Variants in DHX38 observed in about 807,000 individuals in gnomAD.
DHX38 encodes pre-mRNA-splicing factor ATP-dependent RNA helicase PRP16.
Under a neutral mutation model 153.1 loss-of-function variants are expected in DHX38, and 100 were observed. The observed-to-expected ratio is 0.65, with a 90% CI of 0.56 to 0.77. The LOEUF (loss-of-function observed/expected upper bound fraction) is 0.77, where lower values mean the gene tolerates loss of function less well. Among genes scored for constraint, DHX38 ranks in the 30% least tolerant of loss-of-function variants. The pLI is 0.00. For missense variants in DHX38, 1,440 were observed against 1,654.0 expected (o/e 0.87, Z 2.24); for synonymous variants, 650 against 631.7 (o/e 1.03, Z -0.43).
At chr16:72,099,369 GTACAC>G in intron 7 of DHX38, 89 bp downstream of exon 7, 1 of 1,220,450 alleles carries the variant, frequency 8.2e-7, no homozygotes, top group Non-Finnish European at 1.1e-6. Flanking sequence ...TTTGATGAGG[GTACAC>G]CTGAGCCCTG....
In DHX38 at chr16:72,104,293, C is replaced by T; in HGVS notation, c.2010+162C>T. On this transcript the variant is annotated intron_variant, in intron 14 of 26. Transcript: ENST00000268482. The surrounding 1 kb of genome is among the most constrained non-coding windows in gnomAD (Gnocchi z 4.5). ...GACTCGGGTTGTAGTTCATGCTGTT[C>T]TTGCTCTGCTGAGGGTGGCTTGGGG... 8.5e-7 allele frequency: 1 copy of T among 1,181,706 alleles called. No individual in the cohort carries two copies. The highest frequency in any genetic ancestry group is 2.6e-5 in the East Asian group (1 of 39,016). 73.2% of individuals were successfully genotyped at this position (1,181,706 alleles called of 1,614,324 possible). A position where few individuals can be genotyped will look rare whatever the true frequency, so the allele number is the denominator to read the frequency against.
Position 72,103,945 on chromosome 16 carries a change from G to C in DHX38, c.1825-1G>C. ...ATCTGAGCCATCTCTCTGACCTCCA[G>C]GTGGGCTATGCCATCCGCTTTGAAG... On this transcript the variant is annotated splice_acceptor_variant, in intron 13 of 26. Transcript: ENST00000268482. LOFTEE classifies it high-confidence loss of function. The C allele has an allele frequency of 6.2e-7, 1 of 1,613,640 alleles. No homozygotes were observed. The highest frequency in any genetic ancestry group is 8.5e-7 in the Non-Finnish European group (1 of 1,179,524).
At position 72,098,765 on chromosome 16, in the gene DHX38, A is replaced by G. The variant is rs1365626981; in HGVS notation, c.737A>G (p.His246Arg). The change falls in exon 5 of 27, where the codon CAT becomes CGT. Residue 246 changes from histidine (H) to arginine (R), a missense_variant. Transcript: ENST00000268482. ...TCCTATCGGGATTCTGAGCGGAGCC[A>G]TCGGCTGTCCACTCGAGATCGAGAC... ...TPSYRDSERS[H>R]RLSTRDRDRS... 1.9e-6 allele frequency: 3 copies of G among 1,614,192 alleles called. No homozygotes were observed. The highest frequency in any genetic ancestry group is 2.2e-5 in the South Asian group (2 of 91,070).
chr16:72,096,770 C>T (rs1385428892), intron 2 of DHX38, 52 bp from the exon 3 acceptor site: 1 of 1,556,642 alleles, frequency 6.4e-7, no homozygotes, highest in Non-Finnish European at 8.7e-7. Flanking sequence ...GGTTTTAGGG[C>T]AGAGTTTTTC....
chr16:72,106,766 G>A (rs1031585686), intron 19 of DHX38, among the ~76,000 whole-genome samples: 1 of 151,926 alleles, frequency 6.6e-6, no homozygotes, highest in Admixed American at 6.5e-5. Flanking sequence ...CCCCTTTTTT[G>A]TTCCAATTAA....
chr16:72,098,291 G>T (rs1001084950), intron 4 of DHX38, among the ~76,000 whole-genome samples: 3 of 152,106 alleles, frequency 2.0e-5, no homozygotes, highest in African/African-American at 7.2e-5. Flanking sequence ...AAATTAGCCT[G>T]GGGTGGTGGT....
Position 72,099,217 on chromosome 16 carries a change from G to A in DHX38, c.897G>A (p.Glu299=). ...RLSRGRGRRE[E]GEEGISFDTE... is the part of the protein sequence containing the mutation. ...GTGCTCCTCCAGGAAGACGTGAGGA[G>A]GGCGAAGAAGGAATTTCATTTGACA... The change falls in exon 7 of 27, where the codon GAG becomes GAA. Residue 299 remains glutamate (E), a synonymous_variant. Coordinates refer to ENST00000268482, the MANE Select transcript of DHX38 (RefSeq NM_014003.4). 6.2e-7 allele frequency: 1 copy of A among 1,611,892 alleles called. No individual in the cohort carries two copies. Among genetic ancestry groups the A allele is most frequent in the Non-Finnish European group, 8.5e-7 (1 of 1,179,292 alleles).
chr16:72,105,648 G>A lies in DHX38; in HGVS notation c.2487+24G>A, dbSNP rs372584102. The A allele has an allele frequency of 1.2e-4, 199 of 1,611,316 alleles. 2 individuals carry two copies. The highest frequency in any genetic ancestry group is 1.6e-4 in the Middle Eastern group (1 of 6,080). ...AGGTAAGAGAAGACATGGGAGGCAA[G>A]GCCTGGGTGTTCACCAGAAGCTAAC... On this transcript the variant is annotated intron_variant, in intron 18 of 26. Transcript: ENST00000268482.
Position 72,099,043 on chromosome 16 carries a change from G to A in DHX38, c.881G>A (p.Arg294Gln), listed in dbSNP as rs370793135. ...TCCACCCCGCGTCTGTCCAGGGGCC[G>A]AGGTGAGGCCTGTGGGGCAGCAGGC... Reference protein sequence around the residue: ...LGSTPRLSRGRGRREEGEEGI... With the variant: ...LGSTPRLSRGQGRREEGEEGI... The change falls in exon 6 of 27, where the codon CGA becomes CAA. Residue 294 changes from arginine (R) to glutamine (Q), a missense_variant and splice_region_variant. Arg to Gln is a conservative substitution (Grantham distance 43, BLOSUM62 1). Transcript: ENST00000268482. The A allele has an allele frequency of 1.1e-4, 182 of 1,612,390 alleles. No homozygotes were observed. The highest frequency in any genetic ancestry group is 2.1e-4 in the Middle Eastern group (1 of 4,716).
Position 72,096,194 on chromosome 16 carries a change from T to C in DHX38, c.37T>C (p.Leu13=), listed in dbSNP as rs1044225982. 6.2e-7 allele frequency: 1 copy of C among 1,609,328 alleles called. No individual in the cohort carries two copies. Among genetic ancestry groups the C allele is most frequent in the Admixed American group, 1.7e-5 (1 of 59,964 alleles). ...DTSEDASIHR[L]EGTDLDCQVG... is the part of the protein sequence containing the mutation. ...CAGTGAGGATGCCTCGATCCATCGATTGGAAGGCACTGATCTGGACTGTCA... is the reference window on the plus strand; with the variant it reads ...CAGTGAGGATGCCTCGATCCATCGACTGGAAGGCACTGATCTGGACTGTCA... Residue 13 remains leucine (L), a synonymous_variant, in exon 2 of 27, where the codon TTG becomes CTG. Transcript: ENST00000268482.
rs1301087578 is a variant in DHX38, at chr16:72,105,074, G to T, written c.2199G>T (p.Gln733His). 14 of 1,614,230 alleles carry T rather than the reference G, an allele frequency of 8.7e-6. No homozygotes were observed. Among genetic ancestry groups the T allele is most frequent in the Non-Finnish European group, 1.2e-5 (14 of 1,180,044 alleles). ...YVEAAVKQSLQVHLSGAPGDI... is the reference protein window; with the variant it reads ...YVEAAVKQSLHVHLSGAPGDI... ...AGGCTGCAGTGAAGCAGTCCTTGCA[G>T]GTGCACCTGTCGGGGGCCCCTGGAG... Residue 733 changes from glutamine to histidine, a missense_variant, in exon 16 of 27, where the codon CAG becomes CAT. Gln to His is a conservative substitution (Grantham distance 24). Transcript: ENST00000268482.
chr16:72,097,580 C>T, intron 3 of DHX38, 97 bp from the exon 4 acceptor site: 8 of 1,168,780 alleles, frequency 6.8e-6, no homozygotes, highest in Non-Finnish European at 1.3e-6. Flanking sequence ...CAGGTTGCAC[C>T]TGTGAGTGAG....
At chr16:72,096,118 A>G (rs1253310957) in intron 1 of DHX38, 21 bp from the exon 2 acceptor site, 1 of 1,567,358 alleles carries the variant, frequency 6.4e-7, no homozygotes. Context: ...TCTAGTACCA[A>G]ATGGTTTGCC....
In DHX38 at chr16:72,104,670, C is replaced by T. The variant is rs780733162; in HGVS notation, c.2151+44C>T. 32 of 1,611,920 alleles carry T rather than the reference C, an allele frequency of 2.0e-5. No homozygotes were observed. Among genetic ancestry groups the T allele is most frequent in the Non-Finnish European group, 2.7e-5 (32 of 1,178,872 alleles). ...TACGAACTGACCCTTCCATGCCACG[C>T]ACTTCTCTGATGCGAAGCCGGCTGG... On this transcript the variant is annotated intron_variant, in intron 15 of 26. Transcript: ENST00000268482. The surrounding 1 kb of genome is among the most constrained non-coding windows in gnomAD (Gnocchi z 4.5).
At position 72,105,617 on chromosome 16, in the gene DHX38, A is replaced by G. The variant is rs371648968; in HGVS notation, c.2480A>G (p.Lys827Arg). 9 of 1,613,984 alleles carry G rather than the reference A, an allele frequency of 5.6e-6. No individual in the cohort carries two copies. The highest frequency in any genetic ancestry group is 1.3e-5 in the African/African-American group (1 of 74,868). ...IMFVIDSGYCKLKVFNPRIGM... is the reference protein window; with the variant it reads ...IMFVIDSGYCRLKVFNPRIGM... ...TTTGTTATCGATTCTGGTTATTGCAAATTAAAGGTAAGAGAAGACATGGGA... is the reference window on the plus strand; with the variant it reads ...TTTGTTATCGATTCTGGTTATTGCAGATTAAAGGTAAGAGAAGACATGGGA... Residue 827 changes from lysine (K) to arginine (R), a missense_variant, in exon 18 of 27, where the codon AAA becomes AGA. Coordinates refer to ENST00000268482, the MANE Select transcript of DHX38 (RefSeq NM_014003.4).
At position 72,100,446 on chromosome 16, in the gene DHX38, G is replaced by A. The variant is rs902688833; in HGVS notation, c.1127G>A (p.Arg376His). Residue 376 changes from arginine (R) to histidine (H), a missense_variant, in exon 9 of 27, where the codon CGC (arginine) becomes CAC (histidine). By Grantham distance (29) the Arg-to-His change is conservative (BLOSUM62 0). Transcript: ENST00000268482. ...ATTGTGTCCTCACAGGATAACGAGC[G>A]CTGGGAGACAAACCGCATGCTCACC... is the stretch of plus-strand genomic sequence containing the variant. ...QRRQINEDNE[R>H]WETNRMLTSG... 15 of 1,614,010 alleles carry A rather than the reference G, an allele frequency of 9.3e-6. 1 individual carries two copies. Among genetic ancestry groups the A allele is most frequent in the East Asian group, 2.2e-5 (1 of 44,870 alleles).
chr16:72,101,623 T>TCAGCCAGCAGCACATCAGCA lies in DHX38; in HGVS notation c.1499+30_1499+31insACAGCCAGCAGCACATCAGC. The TCAGCCAGCAGCACATCAGCA allele has an allele frequency of 6.5e-7, 1 of 1,549,544 alleles. No individual in the cohort carries two copies. Among genetic ancestry groups the TCAGCCAGCAGCACATCAGCA allele is most frequent in the African/African-American group, 1.4e-5 (1 of 73,104 alleles). On this transcript the variant is annotated intron_variant, in intron 11 of 26. Coordinates refer to ENST00000268482, the MANE Select transcript of DHX38 (RefSeq NM_014003.4). ...GAAGGTGGACTACAGGTGGGCAGCC[T>TCAGCCAGCAGCACATCAGCA]CAGCCAGCAGCACATCAGCCTTGCT...
intron 2 of DHX38, 148 bp from the exon 3 acceptor site, chr16:72,096,674 A>T: frequency 1.3e-6 from 2 of 1,488,754 alleles, no homozygotes; most frequent in Non-Finnish European, 8.9e-7. Flanking sequence ...TAGAGGTTAG[A>T]AATGCCTTGG....
chr16:72,111,775 T>TCAGAACC (rs1366289078), intron 26 of DHX38, among the ~76,000 whole-genome samples: 6 of 152,160 alleles, frequency 3.9e-5, no homozygotes, highest in Admixed American at 6.5e-5. Context: ...AACTTCAGTG[T>TCAGAACC]CCAGAGTTCT....
Sources: allele counts gnomAD v4.1 joint callset (sites outside exome capture counted in the v4.1 genomes callset), GRCh38; gene constraint gnomAD v4.1.1; non-coding constraint Gnocchi (gnomAD v3.1); transcripts MANE v1.5; gene names NCBI Gene and HGNC (gene_info 2026-07-23, HGNC 2026-07-21).